The following PTPRD variants were observed in gnomAD, a reference collection of about 807,000 sequenced individuals.
PTPRD encodes protein tyrosine phosphatase receptor type D.
Under a neutral mutation model 214.5 loss-of-function variants are expected in PTPRD, and 34 were observed. That is an observed-to-expected ratio of 0.16 (90% CI 0.12 to 0.21). The LOEUF (loss-of-function observed/expected upper bound fraction) is 0.21, where lower values mean the gene tolerates loss of function less well. Ranked by LOEUF, PTPRD falls within the 10% of genes least tolerant of loss-of-function variation. The pLI is 1.00. For missense variants in PTPRD, 2,545 were observed against 2,398.7 expected (o/e 1.06, Z -1.27); for synonymous variants, 1,128 against 845.7 (o/e 1.33, Z -5.79).
At chr9:10,608,830 T>G (rs1381976035) in intron 2 of PTPRD, among the ~76,000 whole-genome samples, 1 of 152,116 alleles carries the variant, frequency 6.6e-6, no homozygotes, top group African/African-American at 2.4e-5. Context: ...GAAAAGCTTG[T>G]TACAAGTACA....
chr9:8,688,874 T>G (rs930367370), intron 12 of PTPRD, among the ~76,000 whole-genome samples: 2 of 152,198 alleles, frequency 1.3e-5, no homozygotes, highest in African/African-American at 4.8e-5. Flanking sequence ...CTAAAGTCCC[T>G]TGCAGGCCTA....
Position 8,795,228 on chromosome 9 carries a change from G to A in PTPRD, c.-103-61282C>T, listed in dbSNP as rs112342427. 5.2e-3 allele frequency among the ~76,000 whole-genome samples: 787 copies of A among 152,142 alleles called. 12 individuals are homozygous for A. Among genetic ancestry groups the A allele is most frequent in the East Asian group, 0.046 (236 of 5,166 alleles). On this transcript the variant is annotated intron_variant, in intron 11 of 45. Coordinates refer to ENST00000381196, the MANE Select transcript of PTPRD (RefSeq NM_002839.4). Reference sequence around the variant, plus strand: ...CACCCAGGCTGGAGTGCAATGGCATGATCTCGGCTCACTGCAACCTCCGCC... The same window carrying A: ...CACCCAGGCTGGAGTGCAATGGCATAATCTCGGCTCACTGCAACCTCCGCC...
Position 10,391,230 on chromosome 9 carries a change from G to A in PTPRD, c.-599-50213C>T, listed in dbSNP as rs74429931. 1.3e-3 allele frequency among the ~76,000 whole-genome samples: 202 copies of A among 151,882 alleles called. 6 individuals are homozygous for A. The East Asian group carries it at 0.032, about 24-fold the overall frequency. ...CAGAGAGAACAAAGAAGGCCAAGCT[G>A]TAATTGGTAAAGAAGCAACATATCA... On this transcript the variant is annotated intron_variant, in intron 2 of 45. Transcript: ENST00000381196.
At chr9:10,551,204 T>C (rs781308764) in intron 2 of PTPRD, among the ~76,000 whole-genome samples, 2 of 152,106 alleles carry the variant, frequency 1.3e-5, no homozygotes, top group Non-Finnish European at 2.9e-5. Flanking sequence ...CCATGTATCA[T>C]GTCACACACT....
intron 34 of PTPRD, among the ~76,000 whole-genome samples, chr9:8,447,836 C>T (rs2095795563): frequency 6.6e-6 from 1 of 152,158 alleles, no homozygotes; most frequent in Non-Finnish European, 1.5e-5. Flanking sequence ...GAAGGAGGGG[C>T]AGTGGAGAGC....
intron 11 of PTPRD, among the ~76,000 whole-genome samples, chr9:8,929,572 G>A (rs1199284274): frequency 1.3e-5 from 2 of 151,654 alleles, no homozygotes; most frequent in African/African-American, 2.4e-5. Context: ...TTTTTGATGT[G>A]CTGCTGGATT....
chr9:10,212,309 CTTAAT>C (rs1187647996), intron 3 of PTPRD, among the ~76,000 whole-genome samples: 1 of 152,016 alleles, frequency 6.6e-6, no homozygotes, highest in Non-Finnish European at 1.5e-5. Context: ...ATCAAGGCAT[CTTAAT>C]TTATCATTTG....
rs1555471552 is a variant in PTPRD, at chr9:10,523,622, T to TAGAGAGAGAGAGAGAGAGAG, written c.-600+88775_-600+88776insCTCTCTCTCTCTCTCTCTCT. Among the ~76,000 whole-genome samples the TAGAGAGAGAGAGAGAGAGAG allele has an allele frequency of 4.0e-4, 52 of 131,386 alleles. 2 individuals carry two copies. Among genetic ancestry groups the TAGAGAGAGAGAGAGAGAGAG allele is most frequent in the Non-Finnish European group, 5.3e-4 (33 of 61,926 alleles). 86.2% of individuals were successfully genotyped at this position (131,386 alleles called of 152,430 possible). A position where few individuals can be genotyped will look rare whatever the true frequency, so the allele number is the denominator to read the frequency against. On this transcript the variant is annotated intron_variant, in intron 2 of 45. Transcript: ENST00000381196. The stretch of plus-strand genomic sequence containing the variant: ...ATCTGTATATATATATATATATATA[T>TAGAGAGAGAGAGAGAGAGAG]AGACAGAAAGAAAGGGAGAGAGAGA...
At chr9:10,282,806 T>C (rs969767581) in intron 3 of PTPRD, among the ~76,000 whole-genome samples, 1 of 152,156 alleles carries the variant, frequency 6.6e-6, no homozygotes, top group African/African-American at 2.4e-5. Flanking sequence ...GTAAGAGAAG[T>C]TAAGATCAGA....
intron 11 of PTPRD, among the ~76,000 whole-genome samples, chr9:8,874,883 C>T (rs1314040172): frequency 6.6e-6 from 1 of 152,102 alleles, no homozygotes; most frequent in Non-Finnish European, 1.5e-5. Context: ...TTATTCTGAC[C>T]TAAGTTGGTG....
chr9:8,928,024 A>G (rs1360093582), intron 11 of PTPRD, among the ~76,000 whole-genome samples: 1 of 152,184 alleles, frequency 6.6e-6, no homozygotes, highest in Non-Finnish European at 1.5e-5. Context: ...GCGTCTGTTC[A>G]TATCCTTCGC....
chr9:9,135,597 A>AT (rs2099849633), intron 10 of PTPRD, among the ~76,000 whole-genome samples: 1 of 152,198 alleles, frequency 6.6e-6, no homozygotes, highest in South Asian at 2.1e-4. Flanking sequence ...GGAGACACTA[A>AT]AGAGGGAAAA....
intron 14 of PTPRD, among the ~76,000 whole-genome samples, chr9:8,568,289 C>A (rs564373830): frequency 6.6e-6 from 1 of 152,110 alleles, no homozygotes; most frequent in Admixed American, 6.6e-5. Context: ...AAACCAGGAC[C>A]AAGAATTTCA....
At chr9:8,786,196 C>G in intron 11 of PTPRD, among the ~76,000 whole-genome samples, 1 of 152,074 alleles carries the variant, frequency 6.6e-6, no homozygotes, top group East Asian at 1.9e-4. Context: ...AAATTAACGA[C>G]TCAGAGATAA....
At chr9:10,364,015 T>TTTTTTTTTTTTTTG (rs1432443643) in intron 2 of PTPRD, among the ~76,000 whole-genome samples, 1 of 142,364 alleles carries the variant, frequency 7.0e-6, no homozygotes, top group East Asian at 2.1e-4. Flanking sequence ...TTTTTTTTTT[T>TTTTTTTTTTTTTTG]TTGAGATGGA....
At chr9:9,768,957 C>T (rs1000030883) in intron 5 of PTPRD, among the ~76,000 whole-genome samples, 1 of 152,146 alleles carries the variant, frequency 6.6e-6, no homozygotes. Context: ...ATTAAGGTTA[C>T]TTGTTCTGAT....
chr9:10,151,633 C>T (rs2099061968), intron 3 of PTPRD, among the ~76,000 whole-genome samples: 1 of 151,994 alleles, frequency 6.6e-6, no homozygotes, highest in East Asian at 1.9e-4. Flanking sequence ...CTATTTTTAG[C>T]ATAAAATACT....
chr9:9,900,367 C>G lies in PTPRD; in HGVS notation c.-368+38140G>C, dbSNP rs572560679. Among the ~76,000 whole-genome samples, 15 of 152,304 alleles carry G rather than the reference C, an allele frequency of 9.8e-5. No individual in the cohort carries two copies. In the South Asian group the frequency reaches 1.9e-3, roughly 19 times the overall value. On this transcript the variant is annotated intron_variant, in intron 5 of 45. Coordinates refer to ENST00000381196, the MANE Select transcript of PTPRD (RefSeq NM_002839.4). Reference sequence around the variant, plus strand: ...AATCACCCTTAAGTTCAAACTTTCACAAATTGCTAGGGCATGGACCCAATT... The same window carrying G: ...AATCACCCTTAAGTTCAAACTTTCAGAAATTGCTAGGGCATGGACCCAATT...
chr9:10,605,438 C>T (rs1263407163), intron 2 of PTPRD, among the ~76,000 whole-genome samples: 8 of 151,818 alleles, frequency 5.3e-5, no homozygotes, highest in Non-Finnish European at 1.0e-4. Context: ...TTTTATCATG[C>T]TTTACTGCCT....
Sources: allele counts gnomAD v4.1 joint callset (sites outside exome capture counted in the v4.1 genomes callset), GRCh38; gene constraint gnomAD v4.1.1; transcripts MANE v1.5; gene names NCBI Gene and HGNC (gene_info 2026-07-23, HGNC 2026-07-21).